Variants in RAD52 observed in about 807,000 individuals in gnomAD.
RAD52 encodes the protein DNA repair protein RAD52 homolog.
RAD52 carries 47 observed loss-of-function variants against 55.5 expected under a neutral mutation model. That is an observed-to-expected ratio of 0.85 (90% CI 0.67 to 1.08). The LOEUF (loss-of-function observed/expected upper bound fraction) is 1.08, where lower values mean the gene tolerates loss of function less well. Among genes scored for constraint, RAD52 ranks in the 50% least tolerant of loss-of-function variants. RAD52 has a pLI of 0.00. For synonymous variants in RAD52, 184 were observed against 198.9 expected (o/e 0.92, Z 0.63); for missense variants, 468 against 522.8 (o/e 0.90, Z 1.02).
intron 1 of RAD52, among the ~76,000 whole-genome samples, chr12:940,854 C>A (rs754288252): frequency 6.7e-6 from 1 of 149,920 alleles, no homozygotes; most frequent in African/African-American, 2.5e-5. Context: ...ATGCAAACTT[C>A]GAGAAAAAAA....
chr12:916,534 T>TG, intron 8 of RAD52, 51 bp from the exon 9 acceptor site: 1 of 1,605,654 alleles, frequency 6.2e-7, no homozygotes, highest in Non-Finnish European at 8.5e-7. Flanking sequence ...CAGCCGCGGC[T>TG]GCTGGGAGGA....
intron 1 of RAD52, among the ~76,000 whole-genome samples, chr12:986,896 G>C (rs921459229): frequency 1.3e-5 from 2 of 151,972 alleles, no homozygotes; most frequent in African/African-American, 4.8e-5. Context: ...TGGATCTAGT[G>C]ATTACTGGAT....
intron 1 of RAD52, among the ~76,000 whole-genome samples, chr12:980,350 A>G (rs1454839646): frequency 6.0e-5 from 9 of 150,954 alleles, no homozygotes; most frequent in Admixed American, 5.9e-4. Context: ...CTGGAGTACA[A>G]TGGTGCGATC....
intron 7 of RAD52, among the ~76,000 whole-genome samples, chr12:917,716 A>AT (rs1956475914): frequency 2.0e-5 from 1 of 49,566 alleles, no homozygotes; most frequent in Non-Finnish European, 4.2e-5. Context: ...ACAAAAATAC[A>AT]AAAAAAAAAA....
chr12:982,354 T>C (rs1390203927), intron 1 of RAD52, among the ~76,000 whole-genome samples: 7 of 152,222 alleles, frequency 4.6e-5, no homozygotes, highest in Non-Finnish European at 8.8e-5. Flanking sequence ...TCAAGTTTTG[T>C]TTTTGCTTAA....
upstream of RAD52, among the ~76,000 whole-genome samples, chr12:950,402 T>C (rs1332753826): frequency 6.6e-6 from 1 of 151,798 alleles, no homozygotes; most frequent in Non-Finnish European, 1.5e-5. Context: ...AAACCCTGTC[T>C]CTACTAAAAA....
At chr12:943,908 T>C (rs1223707406) in intron 1 of RAD52, among the ~76,000 whole-genome samples, 1 of 151,964 alleles carries the variant, frequency 6.6e-6, no homozygotes, top group East Asian at 1.9e-4. Context: ...GGTTTTCTAA[T>C]TTTGAAAATA....
At position 913,080 on chromosome 12, in the gene RAD52, G is replaced by A. The variant is rs991924519; in HGVS notation, c.*311C>T. On this transcript the variant is annotated 3_prime_UTR_variant, in exon 12 of 12. Coordinates refer to ENST00000358495, the MANE Select transcript of RAD52 (RefSeq NM_134424.4). ...ATTGCTTGAGGGCAAGGAGCCATTG[G>A]TGATTCCTAAAATGTCCATCTTCAT... is the stretch of plus-strand genomic sequence containing the variant. The A allele has an allele frequency of 1.3e-5, 4 of 301,474 alleles. No individual in the cohort carries two copies. Among genetic ancestry groups the A allele is most frequent in the South Asian group, 1.1e-4 (1 of 9,492 alleles). The allele number at this position is 301,474 out of a possible 1,614,324, so 18.7% of individuals were successfully genotyped here. A position where few individuals can be genotyped will look rare whatever the true frequency, so the allele number is the denominator to read the frequency against.
intron 1 of RAD52, among the ~76,000 whole-genome samples, chr12:980,082 G>A (rs939169022): frequency 5.9e-5 from 9 of 151,924 alleles, no homozygotes; most frequent in Admixed American, 1.3e-4. Flanking sequence ...CCATCTACTC[G>A]GGAGGCTAAG....
At chr12:968,144 CA>C (rs1202647247) in intron 1 of RAD52, among the ~76,000 whole-genome samples, 1 of 151,988 alleles carries the variant, frequency 6.6e-6, no homozygotes, top group Non-Finnish European at 1.5e-5. Context: ...AAAGCAAGTA[CA>C]AAACTGACAA....
intron 1 of RAD52, among the ~76,000 whole-genome samples, chr12:986,969 T>C (rs545156620): frequency 6.6e-6 from 1 of 152,058 alleles, no homozygotes; most frequent in African/African-American, 2.4e-5. Flanking sequence ...AACTCTTTTT[T>C]AAAATTTATT....
chr12:981,515 A>G (rs189745668), intron 1 of RAD52, among the ~76,000 whole-genome samples: 1 of 152,296 alleles, frequency 6.6e-6, no homozygotes, highest in African/African-American at 2.4e-5. Flanking sequence ...GGACAAGCAT[A>G]GAACAGACAT....
chr12:986,082 G>C (rs192256110), intron 1 of RAD52, among the ~76,000 whole-genome samples: 9 of 152,114 alleles, frequency 5.9e-5, no homozygotes, highest in Admixed American at 2.6e-4. Flanking sequence ...TTACAGGCAT[G>C]TGCCACCATG....
At chr12:984,395 G>A (rs942023377) in intron 1 of RAD52, among the ~76,000 whole-genome samples, 1 of 151,700 alleles carries the variant, frequency 6.6e-6, no homozygotes, top group East Asian at 1.9e-4. Flanking sequence ...ATGGGATTTC[G>A]CCATATTGGC....
At chr12:925,095 C>T (rs954260201) in intron 7 of RAD52, among the ~76,000 whole-genome samples, 4 of 151,854 alleles carry the variant, frequency 2.6e-5, no homozygotes, top group Non-Finnish European at 4.4e-5. Flanking sequence ...GGACTACAGG[C>T]GCCCACCACC....
At chr12:922,567 C>T (rs1431714172) in intron 7 of RAD52, among the ~76,000 whole-genome samples, 1 of 152,178 alleles carries the variant, frequency 6.6e-6, no homozygotes, top group Non-Finnish European at 1.5e-5. Flanking sequence ...TTCTGATACA[C>T]ACTACTACAT....
intron 1 of RAD52, among the ~76,000 whole-genome samples, chr12:988,630 C>A (rs552020846): frequency 9.8e-5 from 15 of 152,298 alleles, no homozygotes; most frequent in Admixed American, 8.5e-4. Context: ...GGTTTTTGTG[C>A]TGCATCAAGA....
chr12:929,838 A>C lies in RAD52; in HGVS notation c.329T>G (p.Phe110Cys). 1 of 1,613,972 alleles carries C rather than the reference A, an allele frequency of 6.2e-7. No homozygotes were observed. The highest frequency in any genetic ancestry group is 1.1e-5 in the South Asian group (1 of 91,078). The change falls in exon 5 of 12, where the codon TTT becomes TGT. Residue 110 changes from phenylalanine to cysteine, a missense_variant. Transcript: ENST00000358495. ...CCTCACCTTCAGCTGGACCCTCACAAATGCACAGACTCCCACGTAGAACTT... is the reference window on the plus strand; with the variant it reads ...CCTCACCTTCAGCTGGACCCTCACACATGCACAGACTCCCACGTAGAACTT... ...NGKFYVGVCA[F>C]VRVQLKDGSY...
intron 1 of RAD52, among the ~76,000 whole-genome samples, chr12:944,626 A>AC (rs1958104633): frequency 6.6e-6 from 1 of 151,658 alleles, no homozygotes; most frequent in Non-Finnish European, 1.5e-5. Context: ...AAAAAAAAAA[A>AC]AACTCAGGGG....
Sources: gnomAD v4.1 joint callset for allele counts (sites outside exome capture counted in the v4.1 genomes callset) on GRCh38, gnomAD v4.1.1 for gene constraint, MANE v1.5 for transcripts, NCBI Gene and HGNC (gene_info 2026-07-23, HGNC 2026-07-21) for gene names.